Variants in CAST observed in about 807,000 individuals in gnomAD.
The protein encoded by CAST is MIR583 host.
In CAST, 76 loss-of-function variants were observed where a neutral mutation model predicts 119.6. The ratio of observed to expected loss-of-function variants is 0.64; its 90% CI spans 0.53 to 0.77. CAST has a LOEUF of 0.77. Among genes scored for constraint, CAST ranks in the 30% least tolerant of loss-of-function variants. The pLI is 0.00. For synonymous variants in CAST, 319 were observed against 331.6 expected (o/e 0.96, Z 0.41); for missense variants, 953 against 946.5 (o/e 1.01, Z -0.09).
At chr5:96,052,852 G>T in the CAST span, among the ~76,000 whole-genome samples, 1 of 152,198 alleles carries the variant, frequency 6.6e-6, no homozygotes, top group Admixed American at 6.5e-5. Flanking sequence ...ACACGTGGGA[G>T]AATGGGAGAG....
chr5:96,436,206 A>G, the CAST span, among the ~76,000 whole-genome samples: 4 of 152,222 alleles, frequency 2.6e-5, no homozygotes, highest in Non-Finnish European at 5.9e-5. Flanking sequence ...AGCAGAACAC[A>G]TTATAGGGGC....
At chr5:96,218,470 G>A in the CAST span, among the ~76,000 whole-genome samples, 2 of 152,032 alleles carry the variant, frequency 1.3e-5, no homozygotes, top group African/African-American at 4.8e-5. Flanking sequence ...TAGGCATTTG[G>A]CCTTTGCTAA....
At chr5:96,635,435 T>C (rs748657663) in intron 1 of CAST, among the ~76,000 whole-genome samples, 10 of 152,184 alleles carry the variant, frequency 6.6e-5, no homozygotes, top group Admixed American at 4.6e-4. Context: ...TTTCATATAA[T>C]CAAGAGGTTG....
chr5:96,583,234 A>AT (rs984756613), intron 1 of CAST, among the ~76,000 whole-genome samples: 2 of 133,488 alleles, frequency 1.5e-5, no homozygotes, highest in African/African-American at 2.8e-5. Flanking sequence ...TTTTTACTGT[A>AT]TTTTTTTGGC....
At chr5:96,050,856 G>A in the CAST span, among the ~76,000 whole-genome samples, 3 of 152,074 alleles carry the variant, frequency 2.0e-5, no homozygotes, top group Admixed American at 6.6e-5. Context: ...GAGCGGGCTC[G>A]GAAATGTGGG....
At chr5:96,148,755 TGA>T in the CAST span, among the ~76,000 whole-genome samples, 1 of 152,264 alleles carries the variant, frequency 6.6e-6, no homozygotes, top group African/African-American at 2.4e-5. Context: ...TCAAGTTATC[TGA>T]TCCCTACCTG....
the CAST span, among the ~76,000 whole-genome samples, chr5:96,434,407 C>T: frequency 6.6e-6 from 1 of 152,206 alleles, no homozygotes; most frequent in East Asian, 1.9e-4. Flanking sequence ...TGCAGCTGGC[C>T]AGCACCAAGC....
chr5:96,644,230 C>T (rs980848105), intron 1 of CAST, among the ~76,000 whole-genome samples: 1 of 152,124 alleles, frequency 6.6e-6, no homozygotes, highest in Non-Finnish European at 1.5e-5. Flanking sequence ...TACTTCACAA[C>T]AAATTTGTCT....
At chr5:96,397,588 A>T in the CAST span, 1 of 908,488 alleles carries the variant, frequency 1.1e-6, no homozygotes, top group Non-Finnish European at 1.8e-6. Context: ...TTTCTCTTTT[A>T]GTATAAGACC....
chr5:96,423,303 A>G, the CAST span: 1 of 1,603,282 alleles, frequency 6.2e-7, no homozygotes, highest in African/African-American at 1.3e-5. Context: ...ATGAGAAGGC[A>G]CACACTTACA....
chr5:96,517,371 T>G, the CAST span, among the ~76,000 whole-genome samples: 4 of 152,306 alleles, frequency 2.6e-5, no homozygotes, highest in East Asian at 7.7e-4. Context: ...ATGCATGGCT[T>G]AGGCTGATAA....
chr5:96,274,161 G>T, the CAST span, among the ~76,000 whole-genome samples: 1 of 151,454 alleles, frequency 6.6e-6, no homozygotes, highest in African/African-American at 2.4e-5. Context: ...GAGTGCAGTG[G>T]CGTGATCTTG....
the CAST span, among the ~76,000 whole-genome samples, chr5:96,401,000 T>A: frequency 7.4e-5 from 10 of 134,976 alleles, no homozygotes; most frequent in African/African-American, 2.3e-4. Flanking sequence ...GGCAGGAGAA[T>A]GGCGTGAACC....
At chr5:96,489,787 C>A in the CAST span, among the ~76,000 whole-genome samples, 1 of 152,134 alleles carries the variant, frequency 6.6e-6, no homozygotes, top group East Asian at 1.9e-4. Context: ...CCTGCTCTCT[C>A]TACACAGCTG....
At chr5:96,754,910 G>T in intron 22 of CAST, 169 bp downstream of exon 22, 1 of 450,948 alleles carries the variant, frequency 2.2e-6, no homozygotes, top group Non-Finnish European at 4.0e-6. Flanking sequence ...CAGATACAAA[G>T]CTAAAATATT....
At chr5:96,399,671 T>G in the CAST span, among the ~76,000 whole-genome samples, 1 of 152,190 alleles carries the variant, frequency 6.6e-6, no homozygotes, top group South Asian at 2.1e-4. Context: ...TTAAAACTGA[T>G]GGGTGGTTGA....
the CAST span, among the ~76,000 whole-genome samples, chr5:96,058,700 T>C: frequency 6.6e-6 from 1 of 152,028 alleles, no homozygotes; most frequent in African/African-American, 2.4e-5. Flanking sequence ...ACTTGGCTGG[T>C]GCAACTTTTC....
chr5:96,719,072 G>C (rs1757729218), intron 3 of CAST, among the ~76,000 whole-genome samples: 1 of 152,184 alleles, frequency 6.6e-6, no homozygotes, highest in African/African-American at 2.4e-5. Context: ...AAAGAAGTAA[G>C]GAGCTGAGGG....
rs537383625 is a variant in CAST at position 96,562,088 on chromosome 5, G to A, written c.60+32208G>A. ...ATTACAGGCGTGAGCCACCGCGCCC[G>A]GCCATATATGTTTTTACATATGTAT... On this transcript the variant is annotated intron_variant, in intron 1 of 11. Coordinates refer to the CAST transcript ENST00000505143. Among the ~76,000 whole-genome samples the A allele has an allele frequency of 1.8e-4, 28 of 151,736 alleles. 1 individual carries two copies. Among genetic ancestry groups the A allele is most frequent in the Non-Finnish European group, 2.6e-4 (18 of 67,992 alleles).
Sources: allele counts gnomAD v4.1 joint callset (sites outside exome capture counted in the v4.1 genomes callset), GRCh38; gene constraint gnomAD v4.1.1; transcripts MANE v1.5; gene names NCBI Gene and HGNC (gene_info 2026-07-23, HGNC 2026-07-21).